Variants in PCDHA2 observed in about 807,000 individuals in gnomAD.
The protein encoded by PCDHA2 is protocadherin alpha-2.
A neutral mutation model predicts 66.0 loss-of-function variants in PCDHA2; 58 were observed. The observed-to-expected ratio is 0.88, with a 90% confidence interval of 0.71 to 1.09. The LOEUF (loss-of-function observed/expected upper bound fraction) is 1.09. Among genes scored for constraint, PCDHA2 ranks in the 50% least tolerant of loss-of-function variants. The pLI, the probability that PCDHA2 is intolerant of heterozygous loss-of-function variation, is 0.00. For synonymous variants in PCDHA2, 634 were observed against 554.0 expected (o/e 1.14, Z -2.03); for missense variants, 1,267 against 1,242.3 (o/e 1.02, Z -0.30).
chr5:140,868,850 G>C, intron 1 of PCDHA2: 3 of 459,172 alleles, frequency 6.5e-6, no homozygotes, highest in South Asian at 5.9e-5. Flanking sequence ...GTGAAATTCT[G>C]TGGTGGTAAA....
intron 1 of PCDHA2, among the ~76,000 whole-genome samples, chr5:140,896,652 C>T (rs1393897195): frequency 2.6e-5 from 4 of 152,018 alleles, no homozygotes; most frequent in African/African-American, 9.7e-5. Flanking sequence ...GCTAGTATTA[C>T]AGGCATGAGT....
chr5:140,906,702 T>C (rs1315678574), intron 1 of PCDHA2, among the ~76,000 whole-genome samples: 2 of 152,232 alleles, frequency 1.3e-5, no homozygotes, highest in African/African-American at 2.4e-5. Context: ...GGGCCATTTG[T>C]AGTCCTGCCT....
At chr5:140,920,411 T>G (rs533328116) in intron 1 of PCDHA2, among the ~76,000 whole-genome samples, 39 of 152,352 alleles carry the variant, frequency 2.6e-4, no homozygotes, top group Middle Eastern at 3.4e-3. Flanking sequence ...TTTAATCAGA[T>G]ACAGCTGTTC....
intron 1 of PCDHA2, among the ~76,000 whole-genome samples, chr5:140,845,925 A>T (rs1435379757): frequency 6.7e-6 from 1 of 149,798 alleles, no homozygotes; most frequent in African/African-American, 2.4e-5. Context: ...ATTTTTGTGT[A>T]AAACTATCTT....
intron 1 of PCDHA2, among the ~76,000 whole-genome samples, chr5:140,958,025 A>G (rs920360369): frequency 1.3e-5 from 2 of 152,150 alleles, no homozygotes; most frequent in Non-Finnish European, 2.9e-5. Flanking sequence ...CAAGTATACT[A>G]TGCTTTCTTT....
chr5:140,822,286 T>C, intron 1 of PCDHA2: 2 of 1,614,248 alleles, frequency 1.2e-6, no homozygotes, highest in Non-Finnish European at 1.7e-6. Flanking sequence ...GAGATACAGG[T>C]TAAATCCAAA....
intron 1 of PCDHA2, among the ~76,000 whole-genome samples, chr5:140,879,347 T>A (rs530902728): frequency 3.3e-5 from 5 of 152,206 alleles, no homozygotes; most frequent in Admixed American, 2.0e-4. Context: ...GCTGAGAAGA[T>A]GACATTGCCA....
intron 1 of PCDHA2, among the ~76,000 whole-genome samples, chr5:140,961,952 C>T (rs2095645754): frequency 6.6e-6 from 1 of 151,264 alleles, no homozygotes; most frequent in South Asian, 2.1e-4. Flanking sequence ...GGCATGATCT[C>T]GGCTCACTGC....
rs139245496 is a variant in PCDHA2, at chr5:140,822,899, A to T, written c.2388+25547A>T. ...GTCATTGCTCTGATCAGCGTGTCTGACCGTGACTCAGGTGCCAACGGGCAG... is the reference window on the plus strand; with the variant it reads ...GTCATTGCTCTGATCAGCGTGTCTGTCCGTGACTCAGGTGCCAACGGGCAG... On this transcript the variant is annotated intron_variant, in intron 1 of 3. Transcript: ENST00000526136. The T allele has an allele frequency of 4.7e-4, 756 of 1,614,196 alleles. 1 individual carries two copies. Among genetic ancestry groups the T allele is most frequent in the Admixed American group, 7.3e-4 (44 of 60,034 alleles).
chr5:140,927,478 C>T (rs959432734), intron 1 of PCDHA2: 12 of 1,613,944 alleles, frequency 7.4e-6, no homozygotes, highest in African/African-American at 1.3e-5. Flanking sequence ...TCGCGAACAG[C>T]GCGCCACCCA....
At position 141,010,838 on chromosome 5, in the gene PCDHA2, T is replaced by G. The variant is rs2154002200; in HGVS notation, c.*901T>G. 1.3e-5 allele frequency: 2 copies of G among 153,860 alleles called. No homozygotes were observed. The highest frequency in any genetic ancestry group is 2.9e-5 in the Non-Finnish European group (2 of 68,042). The allele number at this position is 153,860 out of a possible 1,614,324, so 9.5% of individuals were successfully genotyped here. On this transcript the variant is annotated 3_prime_UTR_variant, in exon 4 of 4. Coordinates refer to ENST00000526136, the MANE Select transcript of PCDHA2 (RefSeq NM_018905.3). ...TTTCGCTGTTTGTTGTTTCATAGAT[T>G]TATTTAAAAAAAGAGAAAGTCTATA...
At chr5:140,933,490 A>G (rs1554209400) in intron 1 of PCDHA2, among the ~76,000 whole-genome samples, 1 of 152,104 alleles carries the variant, frequency 6.6e-6, no homozygotes, top group African/African-American at 2.4e-5. Flanking sequence ...GTTATTCTTT[A>G]GAATTGTTAA....
intron 1 of PCDHA2, among the ~76,000 whole-genome samples, chr5:140,826,323 TTG>T (rs1161647284): frequency 6.6e-6 from 1 of 152,208 alleles, no homozygotes; most frequent in Non-Finnish European, 1.5e-5. Context: ...GGGATTGTTT[TTG>T]GTTAAGAAAT....
chr5:140,882,898 A>T lies in PCDHA2; in HGVS notation c.2388+85546A>T, dbSNP rs781828373. 6 of 1,614,100 alleles carry T rather than the reference A, an allele frequency of 3.7e-6. No individual in the cohort carries two copies. In the Admixed American group the frequency reaches 5.0e-5, roughly 13 times the overall value. On this transcript the variant is annotated intron_variant, in intron 1 of 3. Coordinates refer to ENST00000526136, the MANE Select transcript of PCDHA2 (RefSeq NM_018905.3). ...GAGAGGAAATTCAGGAACATAGTTT[A>T]TTACTGACAGCCAGTGATGGAGGTA...
intron 1 of PCDHA2, among the ~76,000 whole-genome samples, chr5:140,960,911 G>A (rs2095578426): frequency 6.6e-6 from 1 of 152,284 alleles, no homozygotes; most frequent in Non-Finnish European, 1.5e-5. Context: ...TTGAGTTTCA[G>A]ATAGAAAATT....
In PCDHA2 at chr5:140,801,320, T is replaced by C. The variant is rs200755369; in HGVS notation, c.2388+3968T>C. 2.2e-5 allele frequency: 36 copies of C among 1,613,216 alleles called. 1 individual carries two copies. In the Admixed American group the frequency reaches 3.7e-4, roughly 16 times the overall value. On this transcript the variant is annotated intron_variant, in intron 1 of 3. Coordinates refer to ENST00000526136, the MANE Select transcript of PCDHA2 (RefSeq NM_018905.3). ...ACTCCGTCTCTGAGGAGGCCAAGCA[T>C]GGCACCTTCGTGGGCCGCATCGCGC...
chr5:140,958,867 T>A (rs1312043891), intron 1 of PCDHA2, among the ~76,000 whole-genome samples: 1 of 152,146 alleles, frequency 6.6e-6, no homozygotes, highest in Admixed American at 6.5e-5. Context: ...ACTGGGTTTA[T>A]AAAAGAATTG....
At chr5:140,807,353 C>G in intron 1 of PCDHA2, 2 of 1,610,912 alleles carry the variant, frequency 1.2e-6, no homozygotes, top group Non-Finnish European at 1.7e-6. Flanking sequence ...GGGACTGGAG[C>G]TGGCGGAGCT....
At chr5:140,813,102 C>T (rs2126643889) in intron 1 of PCDHA2, 4 of 152,228 alleles carry the variant, frequency 2.6e-5, no homozygotes, top group African/African-American at 9.6e-5. Flanking sequence ...CTTGAGAAGA[C>T]TGTATATTTG....
Sources: gnomAD v4.1 joint callset for allele counts (sites outside exome capture counted in the v4.1 genomes callset) on GRCh38, gnomAD v4.1.1 for gene constraint, MANE v1.5 for transcripts, NCBI Gene and HGNC (gene_info 2026-07-23, HGNC 2026-07-21) for gene names.